The following UBE4A variants were observed in gnomAD, a reference collection of about 807,000 sequenced individuals.
The protein encoded by UBE4A is ubiquitin conjugation factor E4 A.
UBE4A carries 48 observed loss-of-function variants against 117.9 expected under a neutral mutation model. The ratio of observed to expected loss-of-function variants is 0.41; its 90% CI spans 0.32 to 0.52. The LOEUF (loss-of-function observed/expected upper bound fraction) is 0.52. Among genes scored for constraint, UBE4A ranks in the 20% least tolerant of loss-of-function variants. The probability of loss-of-function intolerance (pLI) is 0.33; values close to 1 mark genes in which losing one functional copy is unlikely to be tolerated. For synonymous variants in UBE4A, 407 were observed against 450.0 expected (o/e 0.90, Z 1.21); for missense variants, 1,067 against 1,296.3 (o/e 0.82, Z 2.72).
At chr11:118,372,058 G>A (rs1251714175) in intron 5 of UBE4A, among the ~76,000 whole-genome samples, 3 of 152,150 alleles carry the variant, frequency 2.0e-5, no homozygotes, top group Non-Finnish European at 2.9e-5. Context: ...CCAGGAGTTC[G>A]AGACCAGCCT....
At position 118,365,040 on chromosome 11, in the gene UBE4A, C is replaced by T; in HGVS notation, c.-41C>T. 1 of 1,603,840 alleles carries T rather than the reference C, an allele frequency of 6.2e-7. No individual in the cohort carries two copies. The highest frequency in any genetic ancestry group is 1.7e-5 in the Admixed American group (1 of 58,546). The stretch of plus-strand genomic sequence containing the variant: ...TGTCTAATACCTGTCCTTTGAACAG[C>T]CTCTCCCACTAGGTCTGGATGGAGG... On this transcript the variant is annotated splice_region_variant and 5_prime_UTR_variant, in exon 2 of 20. Transcript: ENST00000252108.
At chr11:118,375,330 A>T in intron 9 of UBE4A, 101 bp downstream of exon 9, 1 of 1,209,330 alleles carries the variant, frequency 8.3e-7, no homozygotes, top group Non-Finnish European at 1.1e-6. Flanking sequence ...TTTCTCAAAA[A>T]AAGATGAGGC....
chr11:118,364,177 GT>G (rs563948809), intron 1 of UBE4A, among the ~76,000 whole-genome samples: 2 of 152,014 alleles, frequency 1.3e-5, no homozygotes, highest in Non-Finnish European at 2.9e-5. Context: ...AGGGAGCCCT[GT>G]TTATTCTGTT....
intron 2 of UBE4A, among the ~76,000 whole-genome samples, chr11:118,366,866 C>T (rs984117236): frequency 6.6e-6 from 1 of 151,582 alleles, no homozygotes; most frequent in Non-Finnish European, 1.5e-5. Context: ...GTCAGGAGTT[C>T]GAGACCAGCC....
chr11:118,389,844 G>A lies in UBE4A; in HGVS notation c.2707G>A (p.Glu903Lys), dbSNP rs373542683. 2 of 1,613,592 alleles carry A rather than the reference G, an allele frequency of 1.2e-6. No homozygotes were observed. Among genetic ancestry groups the A allele is most frequent in the Non-Finnish European group, 1.7e-6 (2 of 1,179,624 alleles). The change falls in exon 17 of 20, where the codon GAA (glutamate) becomes AAA (lysine). Residue 903 changes from glutamate (E) to lysine (K), a missense_variant. Physicochemically the swap from Glu to Lys is moderately conservative, Grantham distance 56. Around this residue, in one of 3 missense-constraint regions of UBE4A, gnomAD observed 1,001 missense variants for 1,184.0 expected, o/e 0.85. Transcript: ENST00000252108. ...TGCCTTAAAAGTCAAGGACTTCAGC[G>A]AATTTGACTTCAAACCCCAGCAGCT... ...MGALKVKDFS[E>K]FDFKPQQLVS...
chr11:118,363,848 C>A (rs1474009460), intron 1 of UBE4A, among the ~76,000 whole-genome samples: 2 of 152,106 alleles, frequency 1.3e-5, no homozygotes, highest in African/African-American at 2.4e-5. Context: ...GAACTCCTGA[C>A]CTCAGGTGAT....
intron 5 of UBE4A, among the ~76,000 whole-genome samples, chr11:118,371,926 C>T (rs1046669578): frequency 2.0e-5 from 3 of 152,138 alleles, no homozygotes; most frequent in Admixed American, 6.6e-5. Context: ...CCAATGCCTC[C>T]TATTCTCTCT....
chr11:118,393,389 C>G (rs1293258983), intron 19 of UBE4A, among the ~76,000 whole-genome samples: 3 of 152,182 alleles, frequency 2.0e-5, no homozygotes, highest in African/African-American at 7.2e-5. Context: ...TGCACTCCAG[C>G]CTGGGCTCAG....
At chr11:118,387,100 A>C (rs1317941337) in intron 16 of UBE4A, among the ~76,000 whole-genome samples, 10 of 152,196 alleles carry the variant, frequency 6.6e-5, no homozygotes, top group Admixed American at 4.6e-4. Flanking sequence ...CTTAGTGTTA[A>C]AATGTGAAAT....
At chr11:118,366,942 G>A (rs911467284) in intron 2 of UBE4A, among the ~76,000 whole-genome samples, 4 of 152,128 alleles carry the variant, frequency 2.6e-5, no homozygotes, top group African/African-American at 9.7e-5. Flanking sequence ...GATGACAGGC[G>A]CCTATAATCC....
chr11:118,369,151 G>C (rs534523293), intron 3 of UBE4A, among the ~76,000 whole-genome samples: 55 of 152,280 alleles, frequency 3.6e-4, no homozygotes, highest in African/African-American at 1.3e-3. Context: ...TTTGCCCTCT[G>C]TGCCCTGTCT....
At chr11:118,365,515 C>T (rs1184949017) in intron 2 of UBE4A, among the ~76,000 whole-genome samples, 1 of 152,012 alleles carries the variant, frequency 6.6e-6, no homozygotes, top group African/African-American at 2.4e-5. Context: ...AAAAAAAAAT[C>T]ACCTAGTAAA....
rs61368823 is a variant in UBE4A at position 118,375,256 on chromosome 11, C to CTGTGTGTGTGTGTG, written c.1450+33_1450+46dup. ...TAGGAGAGAACCAGGCTTCTCAAAA[C>CTGTGTGTGTGTGTG]TGTGTGTGTGTGTGTGTGTAACGTG... On this transcript the variant is annotated intron_variant, in intron 9 of 19. Coordinates refer to ENST00000252108, the MANE Select transcript of UBE4A (RefSeq NM_001204077.2). The CTGTGTGTGTGTGTG allele has an allele frequency of 4.3e-5, 63 of 1,476,044 alleles. No homozygotes were observed. In the South Asian group the frequency reaches 7.5e-4, roughly 18 times the overall value. 91.4% of individuals were successfully genotyped at this position (1,476,044 alleles called of 1,614,324 possible).
At chr11:118,367,533 T>C (rs1346841133) in intron 2 of UBE4A, among the ~76,000 whole-genome samples, 6 of 151,160 alleles carry the variant, frequency 4.0e-5, no homozygotes, top group Non-Finnish European at 4.4e-5. Flanking sequence ...TTTTTTTTTT[T>C]TTTTTGAGAC....
At chr11:118,386,056 G>A (rs1948754398) in intron 15 of UBE4A, among the ~76,000 whole-genome samples, 1 of 152,098 alleles carries the variant, frequency 6.6e-6, no homozygotes, top group African/African-American at 2.4e-5. Context: ...ATTTGGCAGG[G>A]GGGATTTGTT....
intron 18 of UBE4A, among the ~76,000 whole-genome samples, chr11:118,391,793 CA>C (rs1165414244): frequency 1.7e-4 from 19 of 114,960 alleles, no homozygotes; most frequent in Admixed American, 3.3e-4. Flanking sequence ...GACTCCATCT[CA>C]AAAAAGAAAA....
intron 16 of UBE4A, among the ~76,000 whole-genome samples, chr11:118,387,383 G>A (rs1555127439): frequency 6.6e-6 from 1 of 152,018 alleles, no homozygotes; most frequent in African/African-American, 2.4e-5. Flanking sequence ...TTTTTACCTC[G>A]GAAATGTTAA....
At chr11:118,366,061 T>TA (rs5795123) in intron 2 of UBE4A, among the ~76,000 whole-genome samples, 11,925 of 143,344 alleles carry the variant, frequency 0.083, 583 homozygotes, top group Non-Finnish European at 0.11. Flanking sequence ...TTTGTTTATT[T>TA]AAAAAAAAAA....
chr11:118,380,685 T>A (rs1948697670), intron 11 of UBE4A, among the ~76,000 whole-genome samples: 1 of 152,204 alleles, frequency 6.6e-6, no homozygotes, highest in Non-Finnish European at 1.5e-5. Flanking sequence ...ATAGCCAAGC[T>A]GTCAATCAGG....
Sources: gnomAD v4.1 joint callset for allele counts (sites outside exome capture counted in the v4.1 genomes callset) on GRCh38, gnomAD v4.1.1 for gene constraint, gnomAD v4.1.1 regional missense constraint, MANE v1.5 for transcripts, NCBI Gene and HGNC (gene_info 2026-07-23, HGNC 2026-07-21) for gene names.